The following SORCS1 variants were observed in gnomAD, a reference collection of about 807,000 sequenced individuals.
SORCS1 encodes VPS10 domain-containing receptor SorCS1.
A neutral mutation model predicts 146.1 loss-of-function variants in SORCS1; 60 were observed. The ratio of observed to expected loss-of-function variants is 0.41; its 90% CI spans 0.33 to 0.51. SORCS1 has a LOEUF of 0.51. SORCS1 is among the 20% of genes least tolerant of loss of function. The probability of loss-of-function intolerance (pLI) is 0.21; values close to 1 mark genes in which losing one functional copy is unlikely to be tolerated. For synonymous variants in SORCS1, 637 were observed against 584.0 expected, an observed-to-expected ratio of 1.09 and a Z score of -1.31; for missense variants, 1,352 against 1,487.6, an observed-to-expected ratio of 0.91 and a Z score of 1.50.
chr10:107,104,226 C>T (rs1202760137), intron 1 of SORCS1, among the ~76,000 whole-genome samples: 1 of 152,186 alleles, frequency 6.6e-6, no homozygotes, highest in Admixed American at 6.5e-5. Flanking sequence ...CTCCCTACCT[C>T]TCAGCTCAGC....
At chr10:106,965,450 G>C (rs1012448460) in intron 1 of SORCS1, among the ~76,000 whole-genome samples, 3 of 152,134 alleles carry the variant, frequency 2.0e-5, no homozygotes, top group African/African-American at 7.2e-5. Flanking sequence ...AAAGAGTGGG[G>C]AATGGCTGCT....
chr10:106,991,449 G>C (rs536852089), intron 1 of SORCS1, among the ~76,000 whole-genome samples: 5 of 152,308 alleles, frequency 3.3e-5, no homozygotes, highest in African/African-American at 1.2e-4. Flanking sequence ...TGAGATGTTT[G>C]AAAGCCCACA....
intron 18 of SORCS1, among the ~76,000 whole-genome samples, chr10:106,646,949 G>C (rs1849485552): frequency 6.9e-6 from 1 of 145,490 alleles, no homozygotes; most frequent in East Asian, 2.0e-4. Context: ...GACTCTCCTT[G>C]TTCAGCTTGT....
At chr10:107,040,554 T>C (rs1465522192) in intron 1 of SORCS1, among the ~76,000 whole-genome samples, 1 of 152,156 alleles carries the variant, frequency 6.6e-6, no homozygotes, top group African/African-American at 2.4e-5. Flanking sequence ...AAGCCAATCT[T>C]TAGTTTATAA....
chr10:106,597,345 A>G lies in SORCS1; in HGVS notation c.3265+6T>C. The G allele has an allele frequency of 6.2e-7, 1 of 1,612,932 alleles. No individual in the cohort carries two copies. The highest frequency in any genetic ancestry group is 8.5e-7 in the Non-Finnish European group (1 of 1,178,990). ...CCAGCCAGAACCCCGGGACATGGACACTGACCCGCTGTTAAGTGAGCAGCA... is the reference window on the plus strand; with the variant it reads ...CCAGCCAGAACCCCGGGACATGGACGCTGACCCGCTGTTAAGTGAGCAGCA... On this transcript the variant is annotated splice_donor_region_variant and intron_variant, in intron 24 of 25. Coordinates refer to ENST00000263054, the MANE Select transcript of SORCS1 (RefSeq NM_052918.5).
At chr10:106,944,901 T>TTTTTC (rs1954249852) in intron 2 of SORCS1, among the ~76,000 whole-genome samples, 1 of 134,098 alleles carries the variant, frequency 7.5e-6, no homozygotes, top group African/African-American at 2.9e-5. Context: ...TTTTTTTTTT[T>TTTTTC]TGGAGATGGA....
chr10:107,109,280 G>A (rs1315730300), intron 1 of SORCS1, among the ~76,000 whole-genome samples: 1 of 152,202 alleles, frequency 6.6e-6, no homozygotes, highest in East Asian at 1.9e-4. Context: ...TTCTCTGTGA[G>A]GGTTACACCC....
chr10:106,987,231 T>C (rs537999594), intron 1 of SORCS1, among the ~76,000 whole-genome samples: 2 of 152,336 alleles, frequency 1.3e-5, no homozygotes, highest in South Asian at 2.1e-4. Context: ...TTCTGGTACA[T>C]AGTCTTTATT....
intron 1 of SORCS1, among the ~76,000 whole-genome samples, chr10:107,003,491 C>T (rs755238789): frequency 1.1e-4 from 17 of 151,082 alleles, no homozygotes; most frequent in Non-Finnish European, 2.4e-4. Flanking sequence ...CACAGACTCA[C>T]TTCCTCTTAG....
chr10:106,808,277 C>T (rs187183084), intron 3 of SORCS1, among the ~76,000 whole-genome samples: 1 of 152,314 alleles, frequency 6.6e-6, no homozygotes, highest in East Asian at 1.9e-4. Flanking sequence ...CTTGGCCTCC[C>T]AAAGTGCTGG....
intron 1 of SORCS1, among the ~76,000 whole-genome samples, chr10:106,986,546 G>GTC (rs1164721741): frequency 9.0e-5 from 12 of 132,952 alleles, no homozygotes; most frequent in African/African-American, 3.1e-4. Context: ...GTGTGTGTGT[G>GTC]TGTCTGTGAG....
chr10:106,976,105 G>C (rs1323941594), intron 1 of SORCS1, among the ~76,000 whole-genome samples: 1 of 142,250 alleles, frequency 7.0e-6, no homozygotes, highest in African/African-American at 2.7e-5. Context: ...GAGATCATGC[G>C]ATAGTACTCC....
At chr10:106,941,355 T>C (rs1035113965) in intron 2 of SORCS1, among the ~76,000 whole-genome samples, 1 of 152,112 alleles carries the variant, frequency 6.6e-6, no homozygotes, top group Admixed American at 6.6e-5. Flanking sequence ...ATAAGCCTAT[T>C]AGATAAATAT....
intron 3 of SORCS1, among the ~76,000 whole-genome samples, chr10:106,827,179 C>A (rs959402756): frequency 1.3e-5 from 2 of 150,796 alleles, no homozygotes; most frequent in Non-Finnish European, 2.9e-5. Flanking sequence ...TACAGAAAAG[C>A]CTATAGTCAG....
chr10:106,789,078 C>A (rs1260224010), intron 3 of SORCS1, among the ~76,000 whole-genome samples: 2 of 152,324 alleles, frequency 1.3e-5, no homozygotes, highest in South Asian at 2.1e-4. Context: ...AGGACTTGCA[C>A]CCTCCACAGC....
At chr10:107,032,665 GA>G in intron 1 of SORCS1, among the ~76,000 whole-genome samples, 1 of 152,300 alleles carries the variant, frequency 6.6e-6, no homozygotes, top group South Asian at 2.1e-4. Flanking sequence ...CTCCAGAAAA[GA>G]GGGGTCTTGT....
chr10:107,063,830 AT>A (rs1290793135), intron 1 of SORCS1, among the ~76,000 whole-genome samples: 1 of 152,198 alleles, frequency 6.6e-6, no homozygotes, highest in Non-Finnish European at 1.5e-5. Context: ...CTTCTTCCTC[AT>A]TCCCCCATAT....
chr10:106,578,108 A>G (rs1844675162), intron 25 of SORCS1: 1 of 152,518 alleles, frequency 6.6e-6, no homozygotes, highest in African/African-American at 2.4e-5. Context: ...GAATGGTTAT[A>G]TAATAATTTA....
intron 6 of SORCS1, among the ~76,000 whole-genome samples, chr10:106,718,369 G>A (rs1855531563): frequency 6.6e-6 from 1 of 152,236 alleles, no homozygotes; most frequent in Non-Finnish European, 1.5e-5. Flanking sequence ...CTGACTTCAT[G>A]AATGAAGCTG....
Sources: allele counts gnomAD v4.1 joint callset (sites outside exome capture counted in the v4.1 genomes callset), GRCh38; gene constraint gnomAD v4.1.1; transcripts MANE v1.5; gene names NCBI Gene and HGNC (gene_info 2026-07-23, HGNC 2026-07-21).